The following CTNNA2 variants were observed in gnomAD, a reference collection of about 807,000 sequenced individuals.
CTNNA2 encodes the protein catenin alpha-2.
Under a neutral mutation model 101.0 loss-of-function variants are expected in CTNNA2, and 42 were observed. That is an observed-to-expected ratio of 0.42 (90% CI 0.32 to 0.54). CTNNA2 has a LOEUF of 0.54. Among genes scored for constraint, CTNNA2 ranks in the 20% least tolerant of loss-of-function variants. The pLI, the probability that CTNNA2 is intolerant of heterozygous loss-of-function variation, is 0.14. For synonymous variants in CTNNA2, 450 were observed against 456.4 expected (o/e 0.99, Z 0.18); for missense variants, 871 against 1,223.1 (o/e 0.71, Z 4.29).
intron 2 of CTNNA2, among the ~76,000 whole-genome samples, chr2:79,667,765 G>A (rs1426002946): frequency 2.6e-5 from 4 of 152,176 alleles, no homozygotes; most frequent in Non-Finnish European, 4.4e-5. Flanking sequence ...AGCATACTGA[G>A]TGGTTACTAG....
intron 9 of CTNNA2, among the ~76,000 whole-genome samples, chr2:80,478,188 C>T (rs1685876665): frequency 6.6e-6 from 1 of 151,992 alleles, no homozygotes; most frequent in Non-Finnish European, 1.5e-5. Flanking sequence ...ATTTGTATAT[C>T]TTCTTTGAAA....
rs536272647 is a variant in CTNNA2 at position 79,625,444 on chromosome 2, G to A, written c.-5-26108G>A. On this transcript the variant is annotated intron_variant, in intron 1 of 18. Coordinates refer to ENST00000402739, the MANE Select transcript of CTNNA2 (RefSeq NM_001282597.3). ...AATATTCTGAAGTCCAGTGAACAAT[G>A]GTAGAATATAATAGAAAAGGGCATC... Among the ~76,000 whole-genome samples the A allele has an allele frequency of 9.9e-4, 151 of 152,228 alleles. 1 individual carries two copies. The highest frequency in any genetic ancestry group is 3.4e-3 in the Middle Eastern group (1 of 294).
At chr2:79,409,711 T>C (rs1277222335) in intron 4 of CTNNA2, among the ~76,000 whole-genome samples, 3 of 149,742 alleles carry the variant, frequency 2.0e-5, no homozygotes, top group Admixed American at 6.7e-5. Flanking sequence ...AGCCTTGTAG[T>C]ATAGTTTGAA....
chr2:80,240,021 A>C (rs1022001703), intron 7 of CTNNA2, among the ~76,000 whole-genome samples: 6 of 152,240 alleles, frequency 3.9e-5, no homozygotes, highest in Non-Finnish European at 7.3e-5. Context: ...ATGTCATTGA[A>C]CCATGGTTGC....
rs188695257 is a variant in CTNNA2 at position 79,764,409 on chromosome 2, A to G, written c.298+19827A>G. The stretch of plus-strand genomic sequence containing the variant: ...TAATAAAAATATATTTTGTTTTTAC[A>G]TTAGCAATAAGTATGTGGAAAGAAT... On this transcript the variant is annotated intron_variant, in intron 3 of 18. Transcript: ENST00000402739. Among the ~76,000 whole-genome samples, 28 of 152,360 alleles carry G rather than the reference A, an allele frequency of 1.8e-4. No homozygotes were observed. The East Asian group carries it at 5.4e-3, about 29-fold the overall frequency.
At chr2:80,578,444 T>A (rs1695250724) in intron 13 of CTNNA2, among the ~76,000 whole-genome samples, 1 of 152,172 alleles carries the variant, frequency 6.6e-6, no homozygotes, top group Non-Finnish European at 1.5e-5. Context: ...CTCTGTAATT[T>A]TCCATGTTTC....
At chr2:79,560,428 T>C (rs949132254) in intron 1 of CTNNA2, among the ~76,000 whole-genome samples, 6 of 151,930 alleles carry the variant, frequency 3.9e-5, no homozygotes, top group African/African-American at 1.4e-4. Flanking sequence ...ACTTAGAATA[T>C]GGAAATAGCC....
Position 79,913,782 on chromosome 2 carries a change from A to G in CTNNA2, c.1056+3985A>G, listed in dbSNP as rs558539683. 9.2e-5 allele frequency among the ~76,000 whole-genome samples: 14 copies of G among 152,334 alleles called. No individual in the cohort carries two copies. The East Asian group carries it at 2.7e-3, about 29-fold the overall frequency. ...GCATTTTGGATGATTTGCATTTTGA[A>G]TGACAGTTGCAGTTGTATCAATTGC... On this transcript the variant is annotated intron_variant, in intron 7 of 18. Coordinates refer to ENST00000402739, the MANE Select transcript of CTNNA2 (RefSeq NM_001282597.3).
intron 7 of CTNNA2, among the ~76,000 whole-genome samples, chr2:80,365,861 C>T (rs1238510324): frequency 6.6e-6 from 1 of 152,146 alleles, no homozygotes; most frequent in Non-Finnish European, 1.5e-5. Context: ...TTAAGACTTT[C>T]AATGAATCAG....
In CTNNA2 at chr2:79,969,811, G is replaced by A. The variant is rs150439639; in HGVS notation, c.1056+60014G>A. 2.3e-3 allele frequency among the ~76,000 whole-genome samples: 347 copies of A among 152,182 alleles called. 2 individuals are homozygous for A. Among genetic ancestry groups the A allele is most frequent in the African/African-American group, 7.5e-3 (310 of 41,516 alleles). ...ATCAATTAAATCGGAAACACTTTTTGGGTTTTACAATTCTGTTCAAGGTAT... is the reference window on the plus strand; with the variant it reads ...ATCAATTAAATCGGAAACACTTTTTAGGTTTTACAATTCTGTTCAAGGTAT... On this transcript the variant is annotated intron_variant, in intron 7 of 18. Coordinates refer to ENST00000402739, the MANE Select transcript of CTNNA2 (RefSeq NM_001282597.3).
chr2:80,442,665 C>A (rs1311628056), intron 9 of CTNNA2, among the ~76,000 whole-genome samples: 1 of 152,110 alleles, frequency 6.6e-6, no homozygotes, highest in Admixed American at 6.6e-5. Flanking sequence ...CTCTCTGTTT[C>A]CTGTATGTTA....
intron 9 of CTNNA2, among the ~76,000 whole-genome samples, chr2:80,451,729 G>T (rs1468579272): frequency 6.6e-6 from 1 of 152,004 alleles, no homozygotes; most frequent in Non-Finnish European, 1.5e-5. Context: ...TTTAATTTTG[G>T]GGGGATGAGG....
intron 3 of CTNNA2, among the ~76,000 whole-genome samples, chr2:79,824,611 T>C (rs1057350274): frequency 5.3e-5 from 8 of 151,948 alleles, no homozygotes; most frequent in African/African-American, 1.7e-4. Flanking sequence ...TTTCAACTTA[T>C]GTAAAAGTAA....
intron 3 of CTNNA2, among the ~76,000 whole-genome samples, chr2:79,821,136 A>T (rs1203374630): frequency 6.6e-6 from 1 of 152,194 alleles, no homozygotes; most frequent in East Asian, 1.9e-4. Context: ...ATTTAGGATA[A>T]ACCATTAATT....
At chr2:80,175,996 G>C (rs758747067) in intron 7 of CTNNA2, among the ~76,000 whole-genome samples, 1 of 152,118 alleles carries the variant, frequency 6.6e-6, no homozygotes, top group Non-Finnish European at 1.5e-5. Context: ...TGACTAGATG[G>C]TGTCCACCCA....
rs1558926389 is a variant in CTNNA2 at position 80,232,342 on chromosome 2, TTTG to T, written c.1057-160866_1057-160864del. Among the ~76,000 whole-genome samples, 4 of 43,206 alleles carry T rather than the reference TTTG, an allele frequency of 9.3e-5. No homozygotes were observed. In the African/African-American group the frequency reaches 9.4e-4, roughly 10 times the overall value. The allele number at this position is 43,206 out of a possible 152,430, so 28.3% of individuals were successfully genotyped here. On this transcript the variant is annotated intron_variant, in intron 7 of 18. Transcript: ENST00000402739. ...TGGGTTTTGTTTGTTTGTTTGTTTG[TTTG>T]TTTTTTTTTTTTTTTTTTTTTTTTT...
intron 9 of CTNNA2, among the ~76,000 whole-genome samples, chr2:80,509,223 C>T (rs1355319498): frequency 6.6e-6 from 1 of 152,174 alleles, no homozygotes; most frequent in Non-Finnish European, 1.5e-5. Context: ...CTTCATTCTA[C>T]AGATGCAGAA....
chr2:79,391,825 T>G (rs1678176403), intron 4 of CTNNA2, among the ~76,000 whole-genome samples: 1 of 152,058 alleles, frequency 6.6e-6, no homozygotes, highest in Non-Finnish European at 1.5e-5. Flanking sequence ...ACAACAAAAT[T>G]TTATTGTTTC....
intron 3 of CTNNA2, among the ~76,000 whole-genome samples, chr2:79,363,247 T>TAGAGTGAGAAA (rs1677670176): frequency 2.6e-5 from 4 of 152,192 alleles, no homozygotes; most frequent in Non-Finnish European, 4.4e-5. Flanking sequence ...CACTGTGTCC[T>TAGAGTGAGAAA]CACAAGGTAG....
Sources: gnomAD v4.1 joint callset for allele counts (sites outside exome capture counted in the v4.1 genomes callset) on GRCh38, gnomAD v4.1.1 for gene constraint, MANE v1.5 for transcripts, NCBI Gene and HGNC (gene_info 2026-07-23, HGNC 2026-07-21) for gene names.